Variants in SPRY3 observed in about 807,000 individuals in gnomAD.
SPRY3 encodes protein sprouty homolog 3.
In SPRY3, 15 loss-of-function variants were observed where a neutral mutation model predicts 20.2. The observed-to-expected ratio is 0.74, with a 90% CI of 0.50 to 1.14. SPRY3 has a LOEUF of 1.14. SPRY3 is among the 50% of genes most tolerant of loss of function. SPRY3 has a pLI of 0.00. For missense variants in SPRY3, 364 were observed against 363.9 expected, an observed-to-expected ratio of 1.00 and a Z score of 0.00; for synonymous variants, 143 against 136.5, an observed-to-expected ratio of 1.05 and a Z score of -0.33.
intron 2 of SPRY3, among the ~76,000 whole-genome samples, chrX:155,767,226 G>A (rs949527415): frequency 3.3e-5 from 5 of 151,908 alleles, no homozygotes; most frequent in Admixed American, 2.0e-4. Context: ...CGACACGCGG[G>A]GGGAGGGGGG....
chrX:155,636,569 GTAT>G (rs2067924126), intron 1 of SPRY3, among the ~76,000 whole-genome samples: 11 of 29,668 alleles, frequency 3.7e-4, no homozygotes, highest in African/African-American at 6.1e-4. Context: ...AGGTAGGTAT[GTAT>G]GTATGTATGT....
chrX:155,662,750 T>C (rs782082255), intron 2 of SPRY3, among the ~76,000 whole-genome samples: 1 of 107,911 alleles, frequency 9.3e-6, no homozygotes, highest in East Asian at 2.9e-4. Context: ...ATTTTCTGGC[T>C]ATGGACTATA....
intron 2 of SPRY3, among the ~76,000 whole-genome samples, chrX:155,662,106 C>T (rs2068011649): frequency 9.0e-6 from 1 of 111,705 alleles, no homozygotes; most frequent in African/African-American, 3.3e-5. Context: ...GTTGTTGAAA[C>T]ACTTCATTTT....
intron 3 of SPRY3, among the ~76,000 whole-genome samples, chrX:155,770,818 T>G (rs1320915028): frequency 2.0e-5 from 3 of 152,156 alleles, no homozygotes; most frequent in African/African-American, 4.8e-5. Flanking sequence ...TGTTCCTTTC[T>G]CAACATATTT....
intron 2 of SPRY3, among the ~76,000 whole-genome samples, chrX:155,684,433 C>T (rs915717209): frequency 9.0e-6 from 1 of 111,230 alleles, no homozygotes; most frequent in Non-Finnish European, 1.9e-5. Flanking sequence ...CAAATGTATG[C>T]TTTTCACAAT....
chrX:155,665,766 G>A (rs967067273), intron 2 of SPRY3, among the ~76,000 whole-genome samples: 1 of 111,093 alleles, frequency 9.0e-6, no homozygotes, highest in Admixed American at 9.6e-5. Flanking sequence ...GAGAAGTGGG[G>A]GATGAAGGAA....
intron 2 of SPRY3, among the ~76,000 whole-genome samples, chrX:155,681,904 G>A (rs1168385324): frequency 8.9e-6 from 1 of 112,880 alleles, no homozygotes; most frequent in African/African-American, 3.2e-5. Flanking sequence ...GCAAGGTGAT[G>A]CAGCAAGTGC....
intron 2 of SPRY3, among the ~76,000 whole-genome samples, chrX:155,753,933 T>C (rs761356970): frequency 8.3e-4 from 126 of 152,084 alleles, no homozygotes; most frequent in African/African-American, 3.0e-3. Flanking sequence ...ATTTTTCCAT[T>C]TGTTTCTTTG....
At chrX:155,618,942 T>G (rs1218588889) in intron 1 of SPRY3, among the ~76,000 whole-genome samples, 1 of 111,509 alleles carries the variant, frequency 9.0e-6, no homozygotes, top group Non-Finnish European at 1.9e-5. Context: ...TTTAACATAC[T>G]AATTCTTTGT....
intron 2 of SPRY3, among the ~76,000 whole-genome samples, chrX:155,721,429 A>G (rs2091057091): frequency 1.3e-5 from 2 of 152,178 alleles, no homozygotes; most frequent in African/African-American, 2.4e-5. Context: ...AGAGAAAGAT[A>G]TCAATATCCA....
intron 2 of SPRY3, among the ~76,000 whole-genome samples, chrX:155,738,589 G>C (rs2091184150): frequency 6.6e-6 from 1 of 152,102 alleles, no homozygotes; most frequent in African/African-American, 2.4e-5. Context: ...AGCAGGGTGG[G>C]GTGATGGCCC....
At chrX:155,639,170 G>T (rs1442660757) in intron 1 of SPRY3, among the ~76,000 whole-genome samples, 1 of 111,852 alleles carries the variant, frequency 8.9e-6, no homozygotes, top group East Asian at 2.8e-4. Context: ...AAACCCTCCA[G>T]AATTATTCTA....
intron 2 of SPRY3, among the ~76,000 whole-genome samples, chrX:155,714,612 G>C (rs1387239435): frequency 6.6e-6 from 1 of 152,028 alleles, no homozygotes; most frequent in African/African-American, 2.4e-5. Flanking sequence ...TGCTGGGTCA[G>C]ACCTGAAGCC....
At chrX:155,754,026 A>G (rs1344009677) in intron 2 of SPRY3, among the ~76,000 whole-genome samples, 1 of 151,862 alleles carries the variant, frequency 6.6e-6, no homozygotes, top group East Asian at 1.9e-4. Context: ...ATTTTCTCCT[A>G]TTCTGTGGGT....
intron 2 of SPRY3, among the ~76,000 whole-genome samples, chrX:155,659,249 A>T (rs1011121009): frequency 1.8e-5 from 2 of 109,258 alleles, no homozygotes; most frequent in African/African-American, 3.3e-5. Flanking sequence ...GGTTCACACC[A>T]TTCTACTGCC....
chrX:155,640,418 A>C (rs2067936950), intron 1 of SPRY3, among the ~76,000 whole-genome samples: 1 of 112,592 alleles, frequency 8.9e-6, no homozygotes, highest in Non-Finnish European at 1.9e-5. Flanking sequence ...GTCTGTCTGA[A>C]ATGGTGGGCA....
intron 1 of SPRY3, among the ~76,000 whole-genome samples, chrX:155,616,130 C>CTCTCTCTCTCTCTCT (rs11396863): frequency 3.5e-5 from 2 of 57,180 alleles, no homozygotes; most frequent in African/African-American, 5.6e-5. Context: ...CTCTCTCTCT[C>CTCTCTCTCTCTCTCT]CTCTCTCTCT....
intron 1 of SPRY3, among the ~76,000 whole-genome samples, chrX:155,645,555 G>A (rs945940993): frequency 8.9e-6 from 1 of 111,812 alleles, no homozygotes; most frequent in African/African-American, 3.2e-5. Flanking sequence ...CCATGGGCGA[G>A]CATCAGCTGA....
chrX:155,760,890 G>C (rs2091301506), intron 2 of SPRY3, among the ~76,000 whole-genome samples: 1 of 152,022 alleles, frequency 6.6e-6, no homozygotes, highest in African/African-American at 2.4e-5. Flanking sequence ...TGCGGGCTGG[G>C]GACCCATGCT....
Sources: gnomAD v4.1 joint callset for allele counts (sites outside exome capture counted in the v4.1 genomes callset) on GRCh38, gnomAD v4.1.1 for gene constraint, MANE v1.5 for transcripts, NCBI Gene and HGNC (gene_info 2026-07-23, HGNC 2026-07-21) for gene names.